The following PLCL1 variants were observed in gnomAD, a reference collection of about 807,000 sequenced individuals.
The protein encoded by PLCL1 is inactive phospholipase C-like protein 1.
Under a neutral mutation model 84.4 loss-of-function variants are expected in PLCL1, and 41 were observed. The ratio of observed to expected loss-of-function variants is 0.49; its 90% CI spans 0.38 to 0.63. The LOEUF (loss-of-function observed/expected upper bound fraction) is 0.63, where lower values mean the gene tolerates loss of function less well. PLCL1 is among the 30% of genes least tolerant of loss of function. The probability of loss-of-function intolerance (pLI) is 0.00; values close to 1 mark genes in which losing one functional copy is unlikely to be tolerated. For missense variants in PLCL1, 1,206 were observed against 1,367.8 expected, an observed-to-expected ratio of 0.88 and a Z score of 1.87; for synonymous variants, 490 against 488.3, an observed-to-expected ratio of 1.00 and a Z score of -0.05.
chr2:197,807,194 G>C (rs1019152329), intron 1 of PLCL1, among the ~76,000 whole-genome samples: 1 of 152,246 alleles, frequency 6.6e-6, no homozygotes, highest in Non-Finnish European at 1.5e-5. Flanking sequence ...GAGTGTGAAG[G>C]AAAGACCCTC....
intron 1 of PLCL1, among the ~76,000 whole-genome samples, chr2:197,835,158 C>T (rs941695682): frequency 6.6e-6 from 1 of 151,932 alleles, no homozygotes; most frequent in African/African-American, 2.4e-5. Flanking sequence ...GGGTGGGAGC[C>T]TAGGAGAGGG....
intron 1 of PLCL1, among the ~76,000 whole-genome samples, chr2:197,919,692 A>C (rs1038995749): frequency 6.6e-6 from 1 of 152,210 alleles, no homozygotes; most frequent in African/African-American, 2.4e-5. Context: ...AGGACATTTT[A>C]AGGGCTGGTA....
At position 197,850,580 on chromosome 2, in the gene PLCL1, A is replaced by T. The variant is rs182318767; in HGVS notation, c.240+45241A>T. ...TACTTGATAAGAAGGTGGGTTTCAT[A>T]AGTAGAATAAACCCGAAGGCCATAT... On this transcript the variant is annotated intron_variant, in intron 1 of 5. Coordinates refer to ENST00000428675, the MANE Select transcript of PLCL1 (RefSeq NM_006226.4). Among the ~76,000 whole-genome samples, 15 of 152,320 alleles carry T rather than the reference A, an allele frequency of 9.8e-5. No homozygotes were observed. In the East Asian group the frequency reaches 2.7e-3, roughly 27 times the overall value.
At chr2:197,820,396 G>A (rs535559053) in intron 1 of PLCL1, among the ~76,000 whole-genome samples, 16 of 152,122 alleles carry the variant, frequency 1.1e-4, no homozygotes, top group Non-Finnish European at 2.2e-4. Context: ...GGGTATGTAT[G>A]CCAGCCTGTA....
Position 198,002,296 on chromosome 2 carries a change from A to G in PLCL1, c.241-81462A>G, listed in dbSNP as rs183163413. Among the ~76,000 whole-genome samples, 355 of 152,088 alleles carry G rather than the reference A, an allele frequency of 2.3e-3. 1 individual carries two copies. The highest frequency in any genetic ancestry group is 8.1e-3 in the African/African-American group (335 of 41,500). On this transcript the variant is annotated intron_variant, in intron 1 of 5. Coordinates refer to ENST00000428675, the MANE Select transcript of PLCL1 (RefSeq NM_006226.4). The stretch of plus-strand genomic sequence containing the variant: ...ATAGTGCTGCCATGAACATTCTTAC[A>G]TGTGTCCTTTGAGAACATATGTATG...
chr2:198,039,698 T>C (rs1167788781), intron 1 of PLCL1, among the ~76,000 whole-genome samples: 1 of 152,204 alleles, frequency 6.6e-6, no homozygotes, highest in African/African-American at 2.4e-5. Flanking sequence ...TTTCAGAAAA[T>C]TTGTCAGAGC....
chr2:198,002,817 A>G (rs1690634123), intron 1 of PLCL1, among the ~76,000 whole-genome samples: 1 of 152,186 alleles, frequency 6.6e-6, no homozygotes, highest in African/African-American at 2.4e-5. Context: ...GGCAGGTACC[A>G]TAAGGTACTG....
chr2:198,070,507 C>G (rs926023060), intron 1 of PLCL1, among the ~76,000 whole-genome samples: 1 of 151,992 alleles, frequency 6.6e-6, no homozygotes, highest in African/African-American at 2.4e-5. Context: ...CTTTTCACCA[C>G]AGCTAACTAA....
Position 198,147,233 on chromosome 2 carries a change from T to TGG in PLCL1, c.*272_*273dup, listed in dbSNP as rs1559121129. 3.7e-6 allele frequency: 1 copy of TGG among 273,070 alleles called. No homozygotes were observed. Among genetic ancestry groups the TGG allele is most frequent in the Non-Finnish European group, 6.8e-6 (1 of 146,436 alleles). 16.9% of individuals were successfully genotyped at this position (273,070 alleles called of 1,614,324 possible). A position where few individuals can be genotyped will look rare whatever the true frequency, so the allele number is the denominator to read the frequency against. ...GTGTGTGTGTGTGTGTGTGTGTGTG[T>TGG]GGCAGAGAGAGAGAAAGAGAGAGAG... is the stretch of plus-strand genomic sequence containing the variant. On this transcript the variant is annotated 3_prime_UTR_variant, in exon 6 of 6. Coordinates refer to ENST00000428675, the MANE Select transcript of PLCL1 (RefSeq NM_006226.4).
At chr2:198,053,821 G>A (rs558874219) in intron 1 of PLCL1, among the ~76,000 whole-genome samples, 2 of 152,346 alleles carry the variant, frequency 1.3e-5, no homozygotes, top group South Asian at 4.1e-4. Context: ...GACTGCCATT[G>A]TTGAAGACAG....
chr2:197,925,746 C>T lies in PLCL1; in HGVS notation c.240+120407C>T, dbSNP rs1411468592. On this transcript the variant is annotated intron_variant, in intron 1 of 5. Coordinates refer to ENST00000428675, the MANE Select transcript of PLCL1 (RefSeq NM_006226.4). Reference sequence around the variant, plus strand: ...GCACTCACTAACACTCCCTCCCTCCCTCCCTCCCTCAGACCTCCTCTACAC... The same window carrying T: ...GCACTCACTAACACTCCCTCCCTCCTTCCCTCCCTCAGACCTCCTCTACAC... Among the ~76,000 whole-genome samples, 3 of 151,884 alleles carry T rather than the reference C, an allele frequency of 2.0e-5. No individual in the cohort carries two copies. The East Asian group carries it at 5.8e-4, about 29-fold the overall frequency.
At chr2:198,145,386 G>A (rs1280819908) in intron 5 of PLCL1, among the ~76,000 whole-genome samples, 9 of 152,148 alleles carry the variant, frequency 5.9e-5, no homozygotes, top group Admixed American at 5.2e-4. Flanking sequence ...TGTAAACATG[G>A]TGTGGGGAAT....
chr2:197,909,878 T>C (rs1032386696), intron 1 of PLCL1, among the ~76,000 whole-genome samples: 3 of 152,180 alleles, frequency 2.0e-5, no homozygotes, highest in Non-Finnish European at 4.4e-5. Context: ...GGCATCAGTG[T>C]AGGGAAATGG....
At chr2:197,899,991 A>G (rs1353961078) in intron 1 of PLCL1, among the ~76,000 whole-genome samples, 3 of 151,998 alleles carry the variant, frequency 2.0e-5, no homozygotes, top group African/African-American at 7.3e-5. Flanking sequence ...AAGGTTTGCT[A>G]CCCCACTCTG....
chr2:197,981,791 G>A (rs555981171), intron 1 of PLCL1, among the ~76,000 whole-genome samples: 16 of 152,234 alleles, frequency 1.1e-4, no homozygotes, highest in South Asian at 2.1e-4. Flanking sequence ...AAAAGTTAGG[G>A]CCATACTGCA....
At position 198,084,850 on chromosome 2, in the gene PLCL1, G is replaced by T. The variant is rs45506698; in HGVS notation, c.1333G>T (p.Asp445Tyr). 1.2e-6 allele frequency: 2 copies of T among 1,613,934 alleles called. No homozygotes were observed. The highest frequency in any genetic ancestry group is 1.7e-6 in the Non-Finnish European group (2 of 1,179,948). ...LKMGCRSVEL[D>Y]VSDGSDNEPI... ...AATGGGCTGTCGAAGCGTTGAACTC[G>T]ATGTAAGTGATGGTTCAGATAATGA... Residue 445 changes from aspartate to tyrosine, a missense_variant, in exon 2 of 6, where the codon GAT (aspartate) becomes TAT (tyrosine). By Grantham distance (160) the Asp-to-Tyr change is radical. Coordinates refer to ENST00000428675, the MANE Select transcript of PLCL1 (RefSeq NM_006226.4).
intron 1 of PLCL1, among the ~76,000 whole-genome samples, chr2:198,031,589 C>T (rs888780005): frequency 2.0e-5 from 3 of 150,300 alleles, no homozygotes; most frequent in Non-Finnish European, 4.4e-5. Flanking sequence ...CTCCTGGGCT[C>T]AAGCAATTCT....
At chr2:198,034,624 A>T (rs1691511873) in intron 1 of PLCL1, among the ~76,000 whole-genome samples, 1 of 152,214 alleles carries the variant, frequency 6.6e-6, no homozygotes, top group Non-Finnish European at 1.5e-5. Flanking sequence ...TGCATTTTGA[A>T]AAACAAGGAC....
intron 1 of PLCL1, among the ~76,000 whole-genome samples, chr2:197,871,275 C>A (rs559780430): frequency 6.6e-6 from 1 of 152,086 alleles, no homozygotes; most frequent in South Asian, 2.1e-4. Context: ...TGGAGAGAAA[C>A]CCCTAGTCTT....
Sources: allele counts gnomAD v4.1 joint callset (sites outside exome capture counted in the v4.1 genomes callset), GRCh38; gene constraint gnomAD v4.1.1; transcripts MANE v1.5; gene names NCBI Gene and HGNC (gene_info 2026-07-23, HGNC 2026-07-21).